NBAS: variants seen among roughly 807,000 people sequenced by gnomAD.
NBAS encodes the protein NAG/BC035112 fusion.
Under a neutral mutation model 302.5 loss-of-function variants are expected in NBAS, and 219 were observed. That is an observed-to-expected ratio of 0.72 (90% CI 0.65 to 0.81). NBAS has a LOEUF of 0.81. Among genes scored for constraint, NBAS ranks in the 30% least tolerant of loss-of-function variants. NBAS has a pLI of 0.00. For synonymous variants in NBAS, 1,118 were observed against 1,021.6 expected, an observed-to-expected ratio of 1.09 and a Z score of -1.80; for missense variants, 2,932 against 2,841.6, an observed-to-expected ratio of 1.03 and a Z score of -0.72.
the NBAS span, among the ~76,000 whole-genome samples, chr2:14,823,356 ATTTC>A: frequency 6.6e-6 from 1 of 152,176 alleles, no homozygotes; most frequent in Non-Finnish European, 1.5e-5. Context: ...TGAAGTTTTC[ATTTC>A]TCCAATACTT....
At chr2:14,905,071 A>T in the NBAS span, among the ~76,000 whole-genome samples, 5 of 152,180 alleles carry the variant, frequency 3.3e-5, no homozygotes, top group Admixed American at 3.3e-4. Flanking sequence ...AACTCTGAAC[A>T]GTAGGTGTTT....
intron 28 of NBAS, among the ~76,000 whole-genome samples, chr2:15,391,245 T>C (rs1439139985): frequency 6.6e-6 from 1 of 152,016 alleles, no homozygotes; most frequent in Non-Finnish European, 1.5e-5. Context: ...GAAGAAATGT[T>C]AGAAAAAGCA....
the NBAS span, among the ~76,000 whole-genome samples, chr2:14,874,391 C>G: frequency 6.6e-6 from 1 of 150,934 alleles, no homozygotes; most frequent in Non-Finnish European, 1.5e-5. Context: ...CTTTGGGAGG[C>G]CAAGGTGGGC....
chr2:15,367,175 A>C (rs1674252045), intron 31 of NBAS, among the ~76,000 whole-genome samples: 1 of 152,186 alleles, frequency 6.6e-6, no homozygotes, highest in African/African-American at 2.4e-5. Context: ...GCAATTTATT[A>C]ACCTTCCTCC....
chr2:14,988,644 G>A, the NBAS span, among the ~76,000 whole-genome samples: 3 of 152,128 alleles, frequency 2.0e-5, no homozygotes, highest in East Asian at 3.8e-4. Flanking sequence ...ACATGCTGAA[G>A]AGCTAATTCA....
the NBAS span, among the ~76,000 whole-genome samples, chr2:15,098,966 T>C: frequency 6.6e-5 from 10 of 151,000 alleles, no homozygotes; most frequent in East Asian, 1.9e-4. Flanking sequence ...CACACACACA[T>C]ATATATATAC....
the NBAS span, chr2:14,890,854 C>CAACA: frequency 1.8e-4 from 28 of 152,954 alleles, no homozygotes; most frequent in South Asian, 1.9e-3. Flanking sequence ...CAAACAACAA[C>CAACA]AAAAAAAAAC....
intron 38 of NBAS, among the ~76,000 whole-genome samples, chr2:15,322,579 T>C (rs1405926239): frequency 6.6e-6 from 1 of 152,184 alleles, no homozygotes; most frequent in Non-Finnish European, 1.5e-5. Context: ...ATCATTCATT[T>C]TGCTAAATAA....
intron 25 of NBAS, among the ~76,000 whole-genome samples, chr2:15,414,444 A>G (rs1008637115): frequency 6.6e-6 from 1 of 152,118 alleles, no homozygotes; most frequent in Admixed American, 6.5e-5. Context: ...TTGCTTGCAT[A>G]CCCTCCAATG....
rs1471511968 is a variant in NBAS at position 15,417,687 on chromosome 2, C to G, written c.2603G>C (p.Arg868Pro). Residue 868 changes from arginine (R) to proline (P), a missense_variant, in exon 24 of 52, where the codon CGA (arginine) becomes CCA (proline). By Grantham distance (103) the Arg-to-Pro change is moderately radical (BLOSUM62 -2). Coordinates refer to ENST00000281513, the MANE Select transcript of NBAS (RefSeq NM_015909.4). ...RQVDCALSLI[R>P]LGMERNIPGL... ...AGGAATATTCCGCTCCATCCCAAGT[C>G]GAATAAGTGACAATGCACAGTCCAC... 4 of 1,613,736 alleles carry G rather than the reference C, an allele frequency of 2.5e-6. No homozygotes were observed. The highest frequency in any genetic ancestry group is 3.4e-6 in the Non-Finnish European group (4 of 1,179,936).
the NBAS span, among the ~76,000 whole-genome samples, chr2:14,952,999 C>G: frequency 6.6e-6 from 1 of 152,166 alleles, no homozygotes. Context: ...GGAGAGGTAG[C>G]AGTTCACCAG....
At chr2:15,118,948 C>T in the NBAS span, among the ~76,000 whole-genome samples, 1 of 152,152 alleles carries the variant, frequency 6.6e-6, no homozygotes, top group Non-Finnish European at 1.5e-5. Context: ...GTGAGTTAAA[C>T]AACAAAAACA....
chr2:15,352,403 A>G (rs1673405174), intron 34 of NBAS, among the ~76,000 whole-genome samples: 1 of 152,214 alleles, frequency 6.6e-6, no homozygotes, highest in South Asian at 2.1e-4. Context: ...ATGCAGAAAA[A>G]GAGACCGAGG....
At position 15,461,608 on chromosome 2, in the gene NBAS, C is replaced by T. The variant is rs77555798; in HGVS notation, c.2202+79G>A. On this transcript the variant is annotated intron_variant, in intron 20 of 51. Transcript: ENST00000281513. Reference sequence around the variant, plus strand: ...AAAAAGAAAATGTAATATATGCACACAATAACATTAACTGCACAGCTCAAA... The same window carrying T: ...AAAAAGAAAATGTAATATATGCACATAATAACATTAACTGCACAGCTCAAA... The T allele has an allele frequency of 7.1e-3, 6,443 of 906,426 alleles. 124 individuals are homozygous for T. The highest frequency in any genetic ancestry group is 0.048 in the East Asian group (1,816 of 38,090). 56.1% of individuals were successfully genotyped at this position (906,426 alleles called of 1,614,324 possible).
chr2:15,373,776 C>A (rs1231471467), intron 31 of NBAS, among the ~76,000 whole-genome samples: 1 of 152,174 alleles, frequency 6.6e-6, no homozygotes, highest in African/African-American at 2.4e-5. Flanking sequence ...CACCAAGGAA[C>A]TTGTAAGAGA....
the NBAS span, among the ~76,000 whole-genome samples, chr2:15,129,825 G>T: frequency 2.6e-5 from 4 of 152,162 alleles, no homozygotes; most frequent in Admixed American, 6.5e-5. Context: ...AGCATGTATT[G>T]CTTCACGCAC....
At chr2:15,065,964 C>T in the NBAS span, among the ~76,000 whole-genome samples, 77,225 of 151,930 alleles carry the variant, frequency 0.51, 21,871 homozygotes, top group Non-Finnish European at 0.62. Context: ...AGGCCTCATA[C>T]TTCCTGATTT....
chr2:14,823,948 T>C, the NBAS span, among the ~76,000 whole-genome samples: 1 of 152,190 alleles, frequency 6.6e-6, no homozygotes, highest in Non-Finnish European at 1.5e-5. Context: ...CGAGGCACTG[T>C]CTCCTGATAC....
At chr2:15,425,057 A>G (rs1013946263) in intron 22 of NBAS, among the ~76,000 whole-genome samples, 2 of 152,120 alleles carry the variant, frequency 1.3e-5, no homozygotes, top group African/African-American at 2.4e-5. Flanking sequence ...AAAAAAAGAA[A>G]CCACATTTGG....
Sources: gnomAD v4.1 joint callset for allele counts (sites outside exome capture counted in the v4.1 genomes callset) on GRCh38, gnomAD v4.1.1 for gene constraint, MANE v1.5 for transcripts, NCBI Gene and HGNC (gene_info 2026-07-23, HGNC 2026-07-21) for gene names.